The following BCAS3 variants were observed in gnomAD, a reference collection of about 807,000 sequenced individuals.
BCAS3 encodes the protein BCAS3 microtubule associated cell migration factor.
A neutral mutation model predicts 116.1 loss-of-function variants in BCAS3; 53 were observed. That is an observed-to-expected ratio of 0.46 (90% CI 0.37 to 0.57). The LOEUF (loss-of-function observed/expected upper bound fraction) is 0.57. Ranked by LOEUF, BCAS3 falls within the 20% of genes least tolerant of loss-of-function variation. BCAS3 has a pLI of 0.00. For synonymous variants in BCAS3, 391 were observed against 408.2 expected, an observed-to-expected ratio of 0.96 and a Z score of 0.51; for missense variants, 917 against 1,165.4, an observed-to-expected ratio of 0.79 and a Z score of 3.10.
rs2081965710 is a variant in BCAS3, at chr17:61,219,081, G to A, written c.2425+134517G>A. ...GATGGCTCTCTAGAATTAGGATTCT[G>A]CGCTCCGTAACTAATATTTTTATAG... On this transcript the variant is annotated intron_variant, in intron 22 of 23. Transcript: ENST00000407086. The surrounding 1 kb of genome is among the most constrained non-coding windows in gnomAD (Gnocchi z 5.2). Among the ~76,000 whole-genome samples the A allele has an allele frequency of 6.6e-6, 1 of 152,148 alleles. No homozygotes were observed. The highest frequency in any genetic ancestry group is 6.5e-5 in the Admixed American group (1 of 15,274).
rs1740818584 is a variant in BCAS3 at position 61,095,937 on chromosome 17, T to C, written c.2425+11373T>C. On this transcript the variant is annotated intron_variant, in intron 22 of 23. Transcript: ENST00000407086. This position sits in a 1 kb window ranked among gnomAD's most constrained non-coding sequence, Gnocchi z 4.7. ...CAGATGAGATTGGATTGGGATTTCA[T>C]TGAATCTGTATATCAAATTTGGAAG... 6.6e-6 allele frequency among the ~76,000 whole-genome samples: 1 copy of C among 152,164 alleles called. No homozygotes were observed. The highest frequency in any genetic ancestry group is 1.5e-5 in the Non-Finnish European group (1 of 68,028).
At position 61,088,808 on chromosome 17, in the gene BCAS3, C is replaced by T. The variant is rs1217976809; in HGVS notation, c.2425+4244C>T. On this transcript the variant is annotated intron_variant, in intron 22 of 23. Coordinates refer to ENST00000407086, the MANE Select transcript of BCAS3 (RefSeq NM_017679.5). This position sits in a 1 kb window ranked among gnomAD's most constrained non-coding sequence, Gnocchi z 4.2. ...TCGAAAGACAAACTTATGCGTGACT[C>T]ATATGCAGAGCAGACATCTTTATCA... 6.6e-6 allele frequency among the ~76,000 whole-genome samples: 1 copy of T among 152,176 alleles called. No homozygotes were observed. The highest frequency in any genetic ancestry group is 1.5e-5 in the Non-Finnish European group (1 of 68,034).
chr17:61,139,240 C>A lies in BCAS3; in HGVS notation c.2425+54676C>A, dbSNP rs2076797346. Among the ~76,000 whole-genome samples, 2 of 152,120 alleles carry A rather than the reference C, an allele frequency of 1.3e-5. No homozygotes were observed. The highest frequency in any genetic ancestry group is 4.1e-4 in the South Asian group (2 of 4,828). On this transcript the variant is annotated intron_variant, in intron 22 of 23. Transcript: ENST00000407086. The surrounding 1 kb of genome is among the most constrained non-coding windows in gnomAD (Gnocchi z 4.7). ...CCCTTAGAGTTATAGATGATCTAAT[C>A]TAAAAAGTTGGAGGACTTAAAAAGA...
intron 22 of BCAS3, among the ~76,000 whole-genome samples, chr17:61,221,017 A>T (rs926358095): frequency 6.6e-6 from 1 of 152,118 alleles, no homozygotes; most frequent in Non-Finnish European, 1.5e-5. Context: ...GAAGAATGGC[A>T]TGAACCCGGG....
intron 5 of BCAS3, among the ~76,000 whole-genome samples, chr17:60,728,087 G>A (rs530071611): frequency 6.6e-5 from 10 of 152,196 alleles, no homozygotes; most frequent in African/African-American, 2.4e-4. Flanking sequence ...GGGATTACAG[G>A]TGTGAGCCAC....
chr17:60,919,366 A>C (rs1489861032), intron 12 of BCAS3, among the ~76,000 whole-genome samples: 1 of 152,010 alleles, frequency 6.6e-6, no homozygotes, highest in Non-Finnish European at 1.5e-5. Flanking sequence ...GTCTGTTGCC[A>C]GGTTGGAGTG....
At chr17:61,153,664 GATTA>G (rs979932699) in intron 22 of BCAS3, among the ~76,000 whole-genome samples, 8 of 152,154 alleles carry the variant, frequency 5.3e-5, no homozygotes, top group African/African-American at 1.9e-4. Flanking sequence ...AGGTCCTTAA[GATTA>G]ATTATCTCTA....
chr17:61,128,193 G>T lies in BCAS3; in HGVS notation c.2425+43629G>T. 3 of 985,414 alleles carry T rather than the reference G, an allele frequency of 3.0e-6. No homozygotes were observed. Among genetic ancestry groups the T allele is most frequent in the Non-Finnish European group, 3.6e-6 (3 of 829,934 alleles). 61.0% of individuals were successfully genotyped at this position (985,414 alleles called of 1,614,324 possible). A position where few individuals can be genotyped will look rare whatever the true frequency, so the allele number is the denominator to read the frequency against. ...TTTCTTTTAGGAAGCCTTCCACCAG[G>T]AATAGTGTGAGTCAAGGATGAGTAC... On this transcript the variant is annotated intron_variant, in intron 22 of 23. Transcript: ENST00000407086. The surrounding 1 kb of genome is among the most constrained non-coding windows in gnomAD (Gnocchi z 4.1).
intron 7 of BCAS3, among the ~76,000 whole-genome samples, chr17:60,853,263 A>G (rs1331769520): frequency 6.6e-6 from 1 of 152,200 alleles, no homozygotes; most frequent in African/African-American, 2.4e-5. Context: ...TTAACTTCTC[A>G]TCTCTTTTTT....
At position 61,065,963 on chromosome 17, in the gene BCAS3, A is replaced by G. The variant is rs928996388; in HGVS notation, c.2030-8957A>G. 2.0e-5 allele frequency among the ~76,000 whole-genome samples: 3 copies of G among 152,210 alleles called. No individual in the cohort carries two copies. The highest frequency in any genetic ancestry group is 7.2e-5 in the African/African-American group (3 of 41,454). ...AGACTCTAAATTTCTATTTCTATATATTCAGCCTATTATCATATTTTAAGT... is the reference window on the plus strand; with the variant it reads ...AGACTCTAAATTTCTATTTCTATATGTTCAGCCTATTATCATATTTTAAGT... On this transcript the variant is annotated intron_variant, in intron 19 of 23. Transcript: ENST00000407086. This position sits in a 1 kb window ranked among gnomAD's most constrained non-coding sequence, Gnocchi z 4.8.
At chr17:61,135,573 C>T (rs1429665362) in intron 22 of BCAS3, among the ~76,000 whole-genome samples, 1 of 152,216 alleles carries the variant, frequency 6.6e-6, no homozygotes, top group Non-Finnish European at 1.5e-5. Context: ...GCTGACTTGT[C>T]ACCTTGAGGT....
At chr17:61,231,884 A>G (rs1450679086) in intron 22 of BCAS3, among the ~76,000 whole-genome samples, 1 of 150,420 alleles carries the variant, frequency 6.6e-6, no homozygotes, top group East Asian at 1.9e-4. Flanking sequence ...AAAAAAAAAA[A>G]AAAGAAAGAG....
Position 60,947,262 on chromosome 17 carries a change from T to A in BCAS3, c.1131T>A (p.His377Gln), listed in dbSNP as rs1377194391. The A allele has an allele frequency of 1.2e-6, 2 of 1,612,994 alleles. No individual in the cohort carries two copies. Among genetic ancestry groups the A allele is most frequent in the African/African-American group, 2.7e-5 (2 of 74,894 alleles). ...VTTDTLGHDFHVFQILTHPWS... is the reference protein window; with the variant it reads ...VTTDTLGHDFQVFQILTHPWS... ...CAGACACCCTTGGCCATGACTTTCA[T>A]GTCTTCCAAATTCTGACTCATCCTT... Residue 377 changes from histidine to glutamine, a missense_variant, in exon 14 of 24, where the codon CAT (histidine) becomes CAA (glutamine). By Grantham distance (24) the His-to-Gln change is conservative. Around this residue, in one of 3 missense-constraint regions of BCAS3, gnomAD observed 807 missense variants for 1,026.0 expected, o/e 0.79. Transcript: ENST00000407086.
At chr17:60,980,266 T>G (rs59098430) in intron 14 of BCAS3, among the ~76,000 whole-genome samples, 23,116 of 152,170 alleles carry the variant, frequency 0.15, 5,567 homozygotes, top group African/African-American at 0.51. Context: ...GAAATTTGAG[T>G]GTTTCAGTTT....
intron 10 of BCAS3, 130 bp downstream of exon 10, chr17:60,889,901 T>G (rs2057019432): frequency 1.1e-6 from 1 of 869,642 alleles, no homozygotes; most frequent in Admixed American, 2.8e-5. Context: ...TTTGCTTTGG[T>G]TTGGTTTTAA....
Position 61,136,808 on chromosome 17 carries a change from C to G in BCAS3, c.2425+52244C>G, listed in dbSNP as rs566189665. The stretch of plus-strand genomic sequence containing the variant: ...TCCTGGCCTCAAGTGATCCACCCAC[C>G]TCGGCCTCCCAAAGTCCTGAGATTA... On this transcript the variant is annotated intron_variant, in intron 22 of 23. Transcript: ENST00000407086. The surrounding 1 kb of genome is among the most constrained non-coding windows in gnomAD (Gnocchi z 4.4). Among the ~76,000 whole-genome samples the G allele has an allele frequency of 6.6e-6, 1 of 152,276 alleles. No individual in the cohort carries two copies. The highest frequency in any genetic ancestry group is 6.5e-5 in the Admixed American group (1 of 15,298).
At chr17:61,057,485 T>C (rs1249493882) in intron 19 of BCAS3, among the ~76,000 whole-genome samples, 1 of 152,252 alleles carries the variant, frequency 6.6e-6, no homozygotes, top group Non-Finnish European at 1.5e-5. Flanking sequence ...CATTGCCTTC[T>C]ACGCCTCAGG....
At position 61,197,683 on chromosome 17, in the gene BCAS3, A is replaced by G. The variant is rs115679948; in HGVS notation, c.2425+113119A>G. ...TCAATCAGGTATACATCTTCCAACT[A>G]TATACACACAGAGGACCCTATACTG... On this transcript the variant is annotated intron_variant, in intron 22 of 23. Transcript: ENST00000407086. Among the ~76,000 whole-genome samples the G allele has an allele frequency of 3.8e-3, 582 of 152,320 alleles. 4 individuals carry two copies. Among genetic ancestry groups the G allele is most frequent in the African/African-American group, 0.014 (567 of 41,564 alleles).
Position 61,083,076 on chromosome 17 carries a change from A to G in BCAS3, c.2328-1391A>G, listed in dbSNP as rs1436057467. On this transcript the variant is annotated intron_variant, in intron 21 of 23. Coordinates refer to ENST00000407086, the MANE Select transcript of BCAS3 (RefSeq NM_017679.5). The surrounding 1 kb of genome is among the most constrained non-coding windows in gnomAD (Gnocchi z 4.9). ...CTTCAAGATGCCCTGAATCTATCGT[A>G]TTCAGTCACTAATCTAAGTTTCTAT... Among the ~76,000 whole-genome samples, 3 of 152,152 alleles carry G rather than the reference A, an allele frequency of 2.0e-5. No individual in the cohort carries two copies. Among genetic ancestry groups the G allele is most frequent in the Non-Finnish European group, 2.9e-5 (2 of 68,026 alleles).
Sources: allele counts gnomAD v4.1 joint callset (sites outside exome capture counted in the v4.1 genomes callset), GRCh38; gene constraint gnomAD v4.1.1; regional missense constraint gnomAD v4.1.1; non-coding constraint Gnocchi (gnomAD v3.1); transcripts MANE v1.5; gene names NCBI Gene and HGNC (gene_info 2026-07-23, HGNC 2026-07-21).